The following ENTREP2 variants were observed in gnomAD, a reference collection of about 807,000 sequenced individuals.
ENTREP2 encodes the protein protein ENTREP2.
At chr15:29,345,689 A>C in the ENTREP2 span, among the ~76,000 whole-genome samples, 1 of 140,852 alleles carries the variant, frequency 7.1e-6, no homozygotes, top group Non-Finnish European at 1.6e-5. Context: ...CTCCTGCCCC[A>C]CATCCCCCCC....
At chr15:29,660,480 T>C in the ENTREP2 span, among the ~76,000 whole-genome samples, 109 of 152,110 alleles carry the variant, frequency 7.2e-4, no homozygotes, top group Middle Eastern at 0.01. Context: ...AATTTTTTTT[T>C]CTTTATAAAT....
chr15:29,548,297 A>G, the ENTREP2 span, among the ~76,000 whole-genome samples: 4 of 151,792 alleles, frequency 2.6e-5, no homozygotes, highest in Non-Finnish European at 5.9e-5. Flanking sequence ...CTACTAAAAA[A>G]CTACAAAAAA....
At chr15:29,365,664 A>G in the ENTREP2 span, among the ~76,000 whole-genome samples, 3 of 151,842 alleles carry the variant, frequency 2.0e-5, no homozygotes, top group Non-Finnish European at 4.4e-5. Flanking sequence ...AAAAATTATA[A>G]AAAAAAATAC....
the ENTREP2 span, among the ~76,000 whole-genome samples, chr15:29,411,709 T>C: frequency 6.6e-6 from 1 of 152,258 alleles, no homozygotes; most frequent in Non-Finnish European, 1.5e-5. Context: ...GGCGTTTCTC[T>C]GTCTTGTTTA....
chr15:29,624,586 T>C, the ENTREP2 span, among the ~76,000 whole-genome samples: 1 of 152,232 alleles, frequency 6.6e-6, no homozygotes, highest in Non-Finnish European at 1.5e-5. Context: ...TTTGGAGAAC[T>C]GCATGAGCTC....
chr15:29,323,331 G>A, the ENTREP2 span, among the ~76,000 whole-genome samples: 1 of 152,128 alleles, frequency 6.6e-6, no homozygotes, highest in Non-Finnish European at 1.5e-5. Flanking sequence ...CCTACACAAT[G>A]AAGCCTCGAT....
chr15:29,391,475 G>C, the ENTREP2 span, among the ~76,000 whole-genome samples: 1 of 152,066 alleles, frequency 6.6e-6, no homozygotes, highest in Non-Finnish European at 1.5e-5. Context: ...TCATGAAAGA[G>C]AAAAAACTCC....
the ENTREP2 span, among the ~76,000 whole-genome samples, chr15:29,227,820 C>T: frequency 6.6e-6 from 1 of 152,218 alleles, no homozygotes. Context: ...AAGTAACTCA[C>T]TTCTACATGC....
At chr15:29,643,178 T>G in the ENTREP2 span, among the ~76,000 whole-genome samples, 1 of 152,184 alleles carries the variant, frequency 6.6e-6, no homozygotes, top group Non-Finnish European at 1.5e-5. Flanking sequence ...TGGACTTCAC[T>G]AAAACTAAAA....
At chr15:29,657,483 C>CGGGGG in the ENTREP2 span, among the ~76,000 whole-genome samples, 71 of 69,324 alleles carry the variant, frequency 1.0e-3, no homozygotes, top group Non-Finnish European at 1.2e-3. Flanking sequence ...GCTGGGGGGG[C>CGGGGG]GGGGGGGGGG....
the ENTREP2 span, among the ~76,000 whole-genome samples, chr15:29,155,593 T>C: frequency 6.6e-6 from 1 of 152,204 alleles, no homozygotes; most frequent in Admixed American, 6.5e-5. Context: ...TGCTCTGTCC[T>C]AAGAACTCTT....
the ENTREP2 span, among the ~76,000 whole-genome samples, chr15:29,250,442 C>T: frequency 4.4e-3 from 668 of 152,176 alleles, 6 homozygotes; most frequent in African/African-American, 0.015. Context: ...TTTTATGTAT[C>T]CGTGGAGGTA....
At chr15:29,567,946 A>AAGCCAGCCC in the ENTREP2 span, among the ~76,000 whole-genome samples, 1 of 152,144 alleles carries the variant, frequency 6.6e-6, no homozygotes, top group Non-Finnish European at 1.5e-5. Flanking sequence ...TTTCTTTATG[A>AAGCCAGCCC]AGCCAGCCCA....
chr15:29,168,818 C>T, the ENTREP2 span, among the ~76,000 whole-genome samples: 1 of 152,180 alleles, frequency 6.6e-6, no homozygotes, highest in Admixed American at 6.5e-5. Flanking sequence ...ACTTTTAACT[C>T]TGGGCAAGGA....
the ENTREP2 span, chr15:29,268,840 T>G: frequency 6.2e-7 from 1 of 1,614,108 alleles, no homozygotes; most frequent in South Asian, 1.1e-5. Flanking sequence ...CCTGTTCTCC[T>G]CATCTGCCAA....
chr15:29,402,844 C>G, the ENTREP2 span, among the ~76,000 whole-genome samples: 1 of 152,096 alleles, frequency 6.6e-6, no homozygotes, highest in Non-Finnish European at 1.5e-5. Flanking sequence ...ACAGAGAAAA[C>G]GCACTATTAA....
chr15:29,319,750 C>T, the ENTREP2 span, among the ~76,000 whole-genome samples: 1 of 152,276 alleles, frequency 6.6e-6, no homozygotes, highest in Non-Finnish European at 1.5e-5. Context: ...GCACAGGGTC[C>T]CGGCTGAGAT....
the ENTREP2 span, among the ~76,000 whole-genome samples, chr15:29,207,645 C>T: frequency 1.0e-3 from 152 of 152,206 alleles, 1 homozygote; most frequent in African/African-American, 3.5e-3. Flanking sequence ...ACAAACCTAG[C>T]TATAGGGTGC....
chr15:29,308,841 A>T, the ENTREP2 span, among the ~76,000 whole-genome samples: 3 of 152,186 alleles, frequency 2.0e-5, no homozygotes, highest in African/African-American at 7.2e-5. Context: ...TAGGAGATAA[A>T]CATTGCCATG....
Sources: gnomAD v4.1 joint callset for allele counts (sites outside exome capture counted in the v4.1 genomes callset) on GRCh38, gnomAD v4.1.1 for gene constraint, MANE v1.5 for transcripts, NCBI Gene and HGNC (gene_info 2026-07-23, HGNC 2026-07-21) for gene names.